Variants in HOXB2 observed in about 807,000 individuals in gnomAD.
HOXB2 encodes the protein homeobox B2, also known as homeobox protein Hox-B2.
In HOXB2, 14 loss-of-function variants were observed where a neutral mutation model predicts 13.1. The ratio of observed to expected loss-of-function variants is 1.07; its 90% CI spans 0.71 to 1.67. The LOEUF is 1.67. Ranked by LOEUF, HOXB2 falls within the 40% of genes most tolerant of loss-of-function variation. The pLI is 0.00. For synonymous variants in HOXB2, 261 were observed against 233.1 expected (o/e 1.12, Z -1.09); for missense variants, 582 against 488.3 (o/e 1.19, Z -1.81).
In HOXB2 at chr17:48,543,369, C is replaced by G. The variant is rs749549761; in HGVS notation, c.770G>C (p.Ser257Thr). ...HPPEVVPGAL[S>T]ADPRPLAVRL... ...AACGGCTAAAGGCCGGGGGTCCGCG[C>G]TTAAGGCCCCCGGCACCACCTCCGG... The change falls in exon 2 of 2, where the codon AGC becomes ACC. Residue 257 changes from serine (S) to threonine (T), a missense_variant. Physicochemically the swap from Ser to Thr is moderately conservative, Grantham distance 58. Coordinates refer to ENST00000330070, the MANE Select transcript of HOXB2 (RefSeq NM_002145.4). 1 of 1,590,574 alleles carries G rather than the reference C, an allele frequency of 6.3e-7. No homozygotes were observed. The highest frequency in any genetic ancestry group is 8.5e-7 in the Non-Finnish European group (1 of 1,172,308).
chr17:48,544,940 T>TGGGGGGGGGGGGGGGGGGCGGGG lies in HOXB2; in HGVS notation c.-30_-29insCCCCGCCCCCCCCCCCCCCCCCC. ...TTTCAATGGTGGGGGAGGGGGCTGC[T>TGGGGGGGGGGGGGGGGGGCGGGG]GGGGGGGGCGTCAGGAGGGAGGATC... On this transcript the variant is annotated 5_prime_UTR_variant, in exon 1 of 2. Transcript: ENST00000330070. 1 of 271,680 alleles carries TGGGGGGGGGGGGGGGGGGCGGGG rather than the reference T, an allele frequency of 3.7e-6. No individual in the cohort carries two copies. 16.8% of individuals were successfully genotyped at this position (271,680 alleles called of 1,614,324 possible).
At position 48,543,540 on chromosome 17, in the gene HOXB2, C is replaced by G. The variant is rs150329872; in HGVS notation, c.599G>C (p.Arg200Pro). The stretch of plus-strand genomic sequence containing the variant: ...CGGCGGCTCTCGGTGCTGCGTCTGC[C>G]GCTTGTGCTTCATGCGCCGGTTCTG... ...WFQNRRMKHK[R>P]QTQHREPPDG... Residue 200 changes from arginine (R) to proline (P), a missense_variant, in exon 2 of 2, where the codon CGG (arginine) becomes CCG (proline). Physicochemically the swap from Arg to Pro is moderately radical, Grantham distance 103. Transcript: ENST00000330070. 1.8e-4 allele frequency: 295 copies of G among 1,612,922 alleles called. 2 individuals carry two copies. Among genetic ancestry groups the G allele is most frequent in the Middle Eastern group, 3.3e-4 (2 of 6,084 alleles).
At chr17:48,544,056 T>G in intron 1 of HOXB2, 8 of 1,198,928 alleles carry the variant, frequency 6.7e-6, no homozygotes, top group Admixed American at 4.1e-5. Flanking sequence ...GACCCCTCAA[T>G]TCGGAACTTT....
In HOXB2 at chr17:48,544,940, T is replaced by TGGGGGGGGGGGGGGGGGGGGGG; in HGVS notation, c.-30_-29insCCCCCCCCCCCCCCCCCCCCCC. The TGGGGGGGGGGGGGGGGGGGGGG allele has an allele frequency of 1.8e-4, 50 of 271,608 alleles. No individual in the cohort carries two copies. The highest frequency in any genetic ancestry group is 1.4e-3 in the East Asian group (23 of 15,954). The allele number at this position is 271,608 out of a possible 1,614,324, so 16.8% of individuals were successfully genotyped here. Reference sequence around the variant, plus strand: ...TTTCAATGGTGGGGGAGGGGGCTGCTGGGGGGGGCGTCAGGAGGGAGGATC... The same window carrying TGGGGGGGGGGGGGGGGGGGGGG: ...TTTCAATGGTGGGGGAGGGGGCTGCTGGGGGGGGGGGGGGGGGGGGGGGGGGGGGGCGTCAGGAGGGAGGATC... On this transcript the variant is annotated 5_prime_UTR_variant, in exon 1 of 2. Coordinates refer to ENST00000330070, the MANE Select transcript of HOXB2 (RefSeq NM_002145.4).
chr17:48,543,539 C>T lies in HOXB2; in HGVS notation c.600G>A (p.Arg200=). ...WFQNRRMKHK[R]QTQHREPPDG... ...CCGGCGGCTCTCGGTGCTGCGTCTGCCGCTTGTGCTTCATGCGCCGGTTCT... is the reference window on the plus strand; with the variant it reads ...CCGGCGGCTCTCGGTGCTGCGTCTGTCGCTTGTGCTTCATGCGCCGGTTCT... The change falls in exon 2 of 2, where the codon CGG becomes CGA. Residue 200 remains arginine (R), a synonymous_variant. Coordinates refer to ENST00000330070, the MANE Select transcript of HOXB2 (RefSeq NM_002145.4). 1.2e-6 allele frequency: 2 copies of T among 1,613,048 alleles called. No individual in the cohort carries two copies. The highest frequency in any genetic ancestry group is 1.7e-6 in the Non-Finnish European group (2 of 1,179,956).
Position 48,543,298 on chromosome 17 carries a change from C to A in HOXB2, c.841G>T (p.Gly281Trp). Residue 281 changes from glycine to tryptophan, a missense_variant, in exon 2 of 2, where the codon GGG (glycine) becomes TGG (tryptophan). Coordinates refer to ENST00000330070, the MANE Select transcript of HOXB2 (RefSeq NM_002145.4). ...GASSPGCALRGAGGLEPGPLP... is the reference protein window; with the variant it reads ...GASSPGCALRWAGGLEPGPLP... ...GGCCCGGGCTCCAGCCCGCCGGCCC[C>A]GCGCAGCGCGCAGCCGGGACTCGAC... 5 of 1,602,452 alleles carry A rather than the reference C, an allele frequency of 3.1e-6. No individual in the cohort carries two copies. Among genetic ancestry groups the A allele is most frequent in the Non-Finnish European group, 4.2e-6 (5 of 1,178,288 alleles).
chr17:48,543,048 G>C lies in HOXB2; in HGVS notation c.*20C>G. On this transcript the variant is annotated 3_prime_UTR_variant, in exon 2 of 2. Coordinates refer to ENST00000330070, the MANE Select transcript of HOXB2 (RefSeq NM_002145.4). ...GGCCAAGGAGCGCGGGGGTCGAAAG[G>C]ACCGGGAGGAGGAAACAGGTTAGGG... 1 of 1,558,544 alleles carries C rather than the reference G, an allele frequency of 6.4e-7. No homozygotes were observed. The highest frequency in any genetic ancestry group is 1.2e-5 in the South Asian group (1 of 82,872).
rs530903971 is a variant in HOXB2, at chr17:48,544,625, G to A, written c.287C>T (p.Pro96Leu). 1.2e-6 allele frequency: 2 copies of A among 1,611,710 alleles called. No individual in the cohort carries two copies. The highest frequency in any genetic ancestry group is 2.7e-5 in the African/African-American group (2 of 74,998). ...LPAAPPAPEF[P>L]WMKEKKSAKK... ...GGCGGATTTCTTCTCTTTCATCCAAGGGAACTCGGGGGCCGGGGGGGCAGC... is the reference window on the plus strand; with the variant it reads ...GGCGGATTTCTTCTCTTTCATCCAAAGGAACTCGGGGGCCGGGGGGGCAGC... The change falls in exon 1 of 2, where the codon CCT becomes CTT. Residue 96 changes from proline to leucine, a missense_variant. Coordinates refer to ENST00000330070, the MANE Select transcript of HOXB2 (RefSeq NM_002145.4).
In HOXB2 at chr17:48,544,925, GGGGGAGGGGGCTGCT is replaced by G; in HGVS notation, c.-29_-15del. On this transcript the variant is annotated 5_prime_UTR_variant, in exon 1 of 2. Transcript: ENST00000330070. ...TTCAAAATTCATGGCTTTCAATGGT[GGGGGAGGGGGCTGCT>G]GGGGGGGGCGTCAGGAGGGAGGATC... The G allele has an allele frequency of 6.5e-7, 1 of 1,541,556 alleles. No homozygotes were observed. The highest frequency in any genetic ancestry group is 8.8e-7 in the Non-Finnish European group (1 of 1,131,596).
intron 1 of HOXB2, chr17:48,543,979 G>A (rs989699607): frequency 1.5e-6 from 2 of 1,290,422 alleles, no homozygotes; most frequent in African/African-American, 1.5e-5. Flanking sequence ...CACGGGCCAC[G>A]CAGGGGGCGG....
Position 48,545,032 on chromosome 17 carries a change from T to A in HOXB2, c.-121A>T. On this transcript the variant is annotated 5_prime_UTR_variant, in exon 1 of 2. Coordinates refer to ENST00000330070, the MANE Select transcript of HOXB2 (RefSeq NM_002145.4). ...GGAGCGATTTTGGGAGGGGGAGATT[T>A]CGGTCTCTCTTTTTTTTAATTTTGG... 1.2e-6 allele frequency: 1 copy of A among 832,924 alleles called. No homozygotes were observed. The highest frequency in any genetic ancestry group is 1.8e-6 in the Non-Finnish European group (1 of 552,314). 51.6% of individuals were successfully genotyped at this position (832,924 alleles called of 1,614,324 possible).
rs1346733674 is a variant in HOXB2, at chr17:48,542,757, C to CT, written c.*310dup. The CT allele has an allele frequency of 4.2e-6, 1 of 235,908 alleles. No individual in the cohort carries two copies. The highest frequency in any genetic ancestry group is 2.2e-5 in the African/African-American group (1 of 44,742). The allele number at this position is 235,908 out of a possible 1,614,324, so 14.6% of individuals were successfully genotyped here. A position where few individuals can be genotyped will look rare whatever the true frequency, so the allele number is the denominator to read the frequency against. On this transcript the variant is annotated 3_prime_UTR_variant, in exon 2 of 2. Coordinates refer to ENST00000330070, the MANE Select transcript of HOXB2 (RefSeq NM_002145.4). ...AGAATTTTAATAAATAATCTACAGT[C>CT]TAAAACATAAAAAAGAGGAAAATAG...
chr17:48,544,940 T>TGGGGGGGGGGGCGGGG lies in HOXB2; in HGVS notation c.-30_-29insCCCCGCCCCCCCCCCC. The TGGGGGGGGGGGCGGGG allele has an allele frequency of 3.7e-6, 1 of 271,684 alleles. No homozygotes were observed. Among genetic ancestry groups the TGGGGGGGGGGGCGGGG allele is most frequent in the Non-Finnish European group, 5.9e-6 (1 of 170,484 alleles). 16.8% of individuals were successfully genotyped at this position (271,684 alleles called of 1,614,324 possible). A position where few individuals can be genotyped will look rare whatever the true frequency, so the allele number is the denominator to read the frequency against. On this transcript the variant is annotated 5_prime_UTR_variant, in exon 1 of 2. Coordinates refer to ENST00000330070, the MANE Select transcript of HOXB2 (RefSeq NM_002145.4). ...TTTCAATGGTGGGGGAGGGGGCTGC[T>TGGGGGGGGGGGCGGGG]GGGGGGGGCGTCAGGAGGGAGGATC...
In HOXB2 at chr17:48,543,219, A is replaced by G; in HGVS notation, c.920T>C (p.Leu307Pro). 6.2e-7 allele frequency: 1 copy of G among 1,613,410 alleles called. No individual in the cohort carries two copies. Among genetic ancestry groups the G allele is most frequent in the Non-Finnish European group, 8.5e-7 (1 of 1,179,950 alleles). ...GRQDSPFLPD[L>P]NFFAADSCLQ... Reference sequence around the variant, plus strand: ...ACAGGAGTCGGCCGCGAAGAAGTTGAGGTCGGGAAGGAAAGGTGAATCCTG... The same window carrying G: ...ACAGGAGTCGGCCGCGAAGAAGTTGGGGTCGGGAAGGAAAGGTGAATCCTG... Residue 307 changes from leucine (L) to proline (P), a missense_variant, in exon 2 of 2, where the codon CTC becomes CCC. By Grantham distance (98) the Leu-to-Pro change is moderately conservative (BLOSUM62 -3). Transcript: ENST00000330070.
In HOXB2 at chr17:48,542,948, G is replaced by T. The variant is rs780285086; in HGVS notation, c.*120C>A. The T allele has an allele frequency of 1.5e-6, 1 of 671,374 alleles. No homozygotes were observed. The highest frequency in any genetic ancestry group is 2.4e-6 in the Non-Finnish European group (1 of 413,482). The allele number at this position is 671,374 out of a possible 1,614,324, so 41.6% of individuals were successfully genotyped here. A position where few individuals can be genotyped will look rare whatever the true frequency, so the allele number is the denominator to read the frequency against. ...AGGGAGTGGATTAAACGCTAATTCA[G>T]TAATACCTGAATTTTAGCAAAACAC... On this transcript the variant is annotated 3_prime_UTR_variant, in exon 2 of 2. Coordinates refer to ENST00000330070, the MANE Select transcript of HOXB2 (RefSeq NM_002145.4).
intron 1 of HOXB2, 114 bp from the exon 2 acceptor site, chr17:48,543,861 C>G: frequency 1.5e-6 from 1 of 662,076 alleles, no homozygotes; most frequent in Non-Finnish European, 2.5e-6. Flanking sequence ...CGCCACCCCA[C>G]CCCCGCCCCC....
chr17:48,543,595 G>C lies in HOXB2; in HGVS notation c.544C>G (p.Leu182Val), dbSNP rs772725096. 4 of 1,613,616 alleles carry C rather than the reference G, an allele frequency of 2.5e-6. No individual in the cohort carries two copies. The highest frequency in any genetic ancestry group is 1.6e-4 in the Middle Eastern group (1 of 6,062). Residue 182 changes from leucine to valine, a missense_variant, in exon 2 of 2, where the codon CTC becomes GTC. Coordinates refer to ENST00000330070, the MANE Select transcript of HOXB2 (RefSeq NM_002145.4). ...RRVEIAALLDLTERQVKVWFQ... is the reference protein window; with the variant it reads ...RRVEIAALLDVTERQVKVWFQ... ...CAGACTTTGACCTGCCTTTCGGTGA[G>C]GTCCAGCAAGGCCGCGATCTCGACG...
intron 1 of HOXB2, 48 bp downstream of exon 1, chr17:48,544,472 TC>T: frequency 1.3e-6 from 2 of 1,533,922 alleles, no homozygotes. Flanking sequence ...CTGCTTTTTC[TC>T]CCCCTCTTCT....
chr17:48,543,271 A>G lies in HOXB2; in HGVS notation c.868T>C (p.Leu290=), dbSNP rs1307591813. The change falls in exon 2 of 2, where the codon TTG becomes CTG. Residue 290 remains leucine (L), a synonymous_variant. Coordinates refer to ENST00000330070, the MANE Select transcript of HOXB2 (RefSeq NM_002145.4). ...RGAGGLEPGP[L]PEDVFSGRQD... ...CGCCCCGAGAAGACGTCTTCTGGCA[A>G]TGGCCCGGGCTCCAGCCCGCCGGCC... The G allele has an allele frequency of 1.1e-5, 17 of 1,606,092 alleles. No individual in the cohort carries two copies. The highest frequency in any genetic ancestry group is 1.4e-5 in the Non-Finnish European group (16 of 1,179,276).
Sources: gnomAD v4.1 joint callset for allele counts on GRCh38, gnomAD v4.1.1 for gene constraint, MANE v1.5 for transcripts, NCBI Gene and HGNC (gene_info 2026-07-23, HGNC 2026-07-21) for gene names.